OSBPL10: variants seen among roughly 807,000 people sequenced by gnomAD.
OSBPL10 encodes the protein oxysterol binding protein like 10.
Under a neutral mutation model 81.7 loss-of-function variants are expected in OSBPL10, and 49 were observed. The ratio of observed to expected loss-of-function variants is 0.60; its 90% CI spans 0.48 to 0.76. The LOEUF (loss-of-function observed/expected upper bound fraction) is 0.76, where lower values mean the gene tolerates loss of function less well. OSBPL10 is among the 30% of genes least tolerant of loss of function. OSBPL10 has a pLI of 0.00. For synonymous variants in OSBPL10, 419 were observed against 383.6 expected, an observed-to-expected ratio of 1.09 and a Z score of -1.08; for missense variants, 923 against 987.8, an observed-to-expected ratio of 0.93 and a Z score of 0.88.
At chr3:31,794,765 C>T in intron 4 of OSBPL10, 1 of 315,278 alleles carries the variant, frequency 3.2e-6, no homozygotes, top group Non-Finnish European at 6.5e-6. Flanking sequence ...ATGTGTAGCC[C>T]CATCTTGGGA....
chr3:31,837,173 G>C (rs1264437524), intron 3 of OSBPL10, among the ~76,000 whole-genome samples: 1 of 151,874 alleles, frequency 6.6e-6, no homozygotes, highest in Admixed American at 6.6e-5. Flanking sequence ...ATAGTTGATA[G>C]AAAGGAGGAA....
At chr3:31,936,624 T>C (rs1033252541) in intron 1 of OSBPL10, among the ~76,000 whole-genome samples, 4 of 152,160 alleles carry the variant, frequency 2.6e-5, no homozygotes, top group African/African-American at 9.7e-5. Context: ...GGTATCTCCT[T>C]GCCAAGAAAA....
intron 3 of OSBPL10, among the ~76,000 whole-genome samples, chr3:31,852,947 A>G (rs934606436): frequency 6.6e-6 from 1 of 152,274 alleles, no homozygotes; most frequent in East Asian, 1.9e-4. Flanking sequence ...GTTCTATGCT[A>G]TAAGTTGTAA....
At chr3:32,054,373 G>A (rs891564548) in intron 1 of OSBPL10, among the ~76,000 whole-genome samples, 1 of 151,708 alleles carries the variant, frequency 6.6e-6, no homozygotes, top group African/African-American at 2.4e-5. Context: ...ACTTTCTTTG[G>A]GTTGTATTTG....
At chr3:31,731,990 A>G (rs1696985370) in intron 6 of OSBPL10, among the ~76,000 whole-genome samples, 1 of 152,222 alleles carries the variant, frequency 6.6e-6, no homozygotes, top group African/African-American at 2.4e-5. Context: ...ATGAGCCATA[A>G]TAAGTAAGTT....
chr3:32,010,049 G>A (rs1011567497), intron 2 of OSBPL10, among the ~76,000 whole-genome samples: 7 of 152,116 alleles, frequency 4.6e-5, no homozygotes, highest in East Asian at 1.9e-4. Context: ...AAGTTGTAAC[G>A]GTAGGGCCCT....
intron 2 of OSBPL10, among the ~76,000 whole-genome samples, chr3:32,031,465 T>C (rs1462153629): frequency 8.2e-6 from 1 of 121,586 alleles, no homozygotes; most frequent in Non-Finnish European, 1.9e-5. Context: ...TTAAATAATT[T>C]TTTTTTTTTT....
Position 31,851,577 on chromosome 3 carries a change from C to T in OSBPL10, c.538-21346G>A, listed in dbSNP as rs564032406. Among the ~76,000 whole-genome samples the T allele has an allele frequency of 9.8e-5, 15 of 152,336 alleles. No homozygotes were observed. In the South Asian group the frequency reaches 2.5e-3, roughly 25 times the overall value. ...CCTACCCAGACCAGCACGACTCACA[C>T]GAGCTGTCAAACTTCAGGCTCAAGA... is the stretch of plus-strand genomic sequence containing the variant. On this transcript the variant is annotated intron_variant, in intron 3 of 11. Transcript: ENST00000396556.
intron 6 of OSBPL10, among the ~76,000 whole-genome samples, chr3:31,727,083 T>G (rs1696831509): frequency 6.6e-6 from 1 of 152,106 alleles, no homozygotes; most frequent in African/African-American, 2.4e-5. Flanking sequence ...TCCTCCTGCT[T>G]TGACCTCCTA....
intron 5 of OSBPL10, among the ~76,000 whole-genome samples, chr3:31,738,224 A>G (rs992664112): frequency 8.5e-5 from 13 of 152,122 alleles, no homozygotes; most frequent in African/African-American, 2.9e-4. Context: ...CAGCTTGGCA[A>G]TATTTTCTCC....
At chr3:31,713,679 G>A (rs1450559388) in intron 6 of OSBPL10, among the ~76,000 whole-genome samples, 1 of 152,094 alleles carries the variant, frequency 6.6e-6, no homozygotes, top group Non-Finnish European at 1.5e-5. Flanking sequence ...TTACAGGCAT[G>A]AGCCACCGCA....
intron 4 of OSBPL10, among the ~76,000 whole-genome samples, chr3:31,801,848 G>A (rs1699389350): frequency 6.6e-6 from 1 of 151,444 alleles, no homozygotes; most frequent in Non-Finnish European, 1.5e-5. Context: ...TTAAGATGGA[G>A]TTTTGCTCTT....
intron 5 of OSBPL10, among the ~76,000 whole-genome samples, chr3:31,735,919 C>T (rs947197090): frequency 7.9e-5 from 12 of 152,292 alleles, no homozygotes; most frequent in African/African-American, 2.9e-4. Context: ...AACAATACTG[C>T]CCTTGCTCAC....
chr3:31,894,274 T>C (rs896306442), intron 1 of OSBPL10, among the ~76,000 whole-genome samples: 1 of 151,954 alleles, frequency 6.6e-6, no homozygotes, highest in Non-Finnish European at 1.5e-5. Context: ...CAGGCATAGA[T>C]GAGATTGCCC....
At chr3:31,702,579 C>T (rs1205250522) in intron 6 of OSBPL10, 71 bp from the exon 7 acceptor site, 9 of 1,588,092 alleles carry the variant, frequency 5.7e-6, no homozygotes, top group African/African-American at 1.3e-5. Flanking sequence ...TATGAATTCA[C>T]ATGCTTTGCA....
At position 31,661,856 on chromosome 3, in the gene OSBPL10, T is replaced by C; in HGVS notation, c.*216A>G. ...TGCATGTGTGTGAACGTATACGGTGTGTACACACACGTGCCCCGAATGGCT... is the reference window on the plus strand; with the variant it reads ...TGCATGTGTGTGAACGTATACGGTGCGTACACACACGTGCCCCGAATGGCT... On this transcript the variant is annotated 3_prime_UTR_variant, in exon 12 of 12. Transcript: ENST00000396556. 1 of 569,158 alleles carries C rather than the reference T, an allele frequency of 1.8e-6. No individual in the cohort carries two copies. The highest frequency in any genetic ancestry group is 3.0e-6 in the Non-Finnish European group (1 of 334,986). The allele number at this position is 569,158 out of a possible 1,614,324, so 35.3% of individuals were successfully genotyped here. A position where few individuals can be genotyped will look rare whatever the true frequency, so the allele number is the denominator to read the frequency against.
chr3:31,879,569 T>A (rs1559502853), intron 2 of OSBPL10, 86 bp downstream of exon 2: 1 of 1,422,220 alleles, frequency 7.0e-7, no homozygotes, highest in Non-Finnish European at 9.5e-7. Flanking sequence ...AAAGGCAATT[T>A]AAAAAAACAA....
intron 1 of OSBPL10, among the ~76,000 whole-genome samples, chr3:31,965,547 T>TATATATTATATAATTATATATTATATA (rs1698324043): frequency 1.4e-4 from 1 of 7,202 alleles, no homozygotes; most frequent in East Asian, 3.0e-3. Flanking sequence ...AATTATATAT[T>TATATATTATATAATTATATATTATATA]ATATATTATA....
chr3:32,046,396 A>G (rs1644922945), intron 2 of OSBPL10: 1 of 152,156 alleles, frequency 6.6e-6, no homozygotes, highest in South Asian at 2.1e-4. Flanking sequence ...TTAGACTCCA[A>G]GTTCATTGTA....
Sources: gnomAD v4.1 joint callset for allele counts (sites outside exome capture counted in the v4.1 genomes callset) on GRCh38, gnomAD v4.1.1 for gene constraint, MANE v1.5 for transcripts, NCBI Gene and HGNC (gene_info 2026-07-23, HGNC 2026-07-21) for gene names.